GAPVD1: variants seen among roughly 807,000 people sequenced by gnomAD.
The protein encoded by GAPVD1 is GTPase-activating protein and VPS9 domain-containing protein 1.
Under a neutral mutation model 155.5 loss-of-function variants are expected in GAPVD1, and 35 were observed. That is an observed-to-expected ratio of 0.23 (90% CI 0.17 to 0.30). The LOEUF is 0.30. GAPVD1 is among the 10% of genes least tolerant of loss of function. GAPVD1 has a pLI of 1.00. For synonymous variants in GAPVD1, 636 were observed against 619.7 expected (o/e 1.03, Z -0.39); for missense variants, 1,429 against 1,775.7 (o/e 0.80, Z 3.51).
chr9:125,333,819 TG>T (rs1651158589), intron 15 of GAPVD1, among the ~76,000 whole-genome samples: 1 of 152,206 alleles, frequency 6.6e-6, no homozygotes, highest in African/African-American at 2.4e-5. Flanking sequence ...AATTTTTTTT[TG>T]TTCTAAACCA....
intron 27 of GAPVD1, among the ~76,000 whole-genome samples, chr9:125,361,011 G>A (rs758513129): frequency 1.3e-4 from 20 of 152,096 alleles, no homozygotes; most frequent in Non-Finnish European, 2.4e-4. Flanking sequence ...ACAGGCGTGC[G>A]TCACCATGCC....
chr9:125,347,080 A>C, intron 20 of GAPVD1, 139 bp downstream of exon 20: 1 of 776,312 alleles, frequency 1.3e-6, no homozygotes. Context: ...TGCCTAAACA[A>C]ATGTTTAAAT....
At chr9:125,310,151 G>A (rs561397324) in intron 8 of GAPVD1, 8 of 242,328 alleles carry the variant, frequency 3.3e-5, no homozygotes, top group African/African-American at 1.8e-4. Flanking sequence ...ATAAATTATA[G>A]TTACAGAGTT....
intron 2 of GAPVD1, among the ~76,000 whole-genome samples, chr9:125,283,869 A>T (rs2132240318): frequency 6.6e-6 from 1 of 151,422 alleles, no homozygotes; most frequent in South Asian, 2.1e-4. Context: ...ATTTTCCTTG[A>T]AACTTTTTTT....
intron 2 of GAPVD1, among the ~76,000 whole-genome samples, chr9:125,281,110 T>C (rs1836719782): frequency 6.6e-6 from 1 of 152,160 alleles, no homozygotes; most frequent in African/African-American, 2.4e-5. Flanking sequence ...ATAAACACCA[T>C]AATGTGTTAA....
chr9:125,263,530 T>C (rs888320778), intron 1 of GAPVD1: 1 of 790,254 alleles, frequency 1.3e-6, no homozygotes, highest in African/African-American at 1.7e-5. Context: ...GAACTGTTGT[T>C]TTTTTTTTTT....
intron 27 of GAPVD1, among the ~76,000 whole-genome samples, chr9:125,361,625 C>T (rs528093821): frequency 6.6e-6 from 1 of 152,178 alleles, no homozygotes; most frequent in South Asian, 2.1e-4. Flanking sequence ...CTTTTACCAT[C>T]TTCTTTAATA....
intron 19 of GAPVD1, among the ~76,000 whole-genome samples, chr9:125,342,846 C>T (rs1237081812): frequency 6.6e-6 from 1 of 152,116 alleles, no homozygotes; most frequent in Non-Finnish European, 1.5e-5. Context: ...GTTTTAAAAA[C>T]TTTACTAATT....
intron 9 of GAPVD1, among the ~76,000 whole-genome samples, chr9:125,318,965 C>T (rs1324768755): frequency 1.3e-5 from 2 of 151,946 alleles, no homozygotes; most frequent in Admixed American, 6.6e-5. Flanking sequence ...CACTTGAGGT[C>T]AGGAGTTTGA....
intron 1 of GAPVD1, among the ~76,000 whole-genome samples, chr9:125,265,566 G>A (rs3896096): frequency 0.41 from 60,556 of 147,344 alleles, 12,903 homozygotes; most frequent in Middle Eastern, 0.53. Flanking sequence ...CGGGTGCCAC[G>A]ATGGCTGGCT....
Position 125,337,008 on chromosome 9 carries a change from C to T in GAPVD1, c.2429-10C>T. On this transcript the variant is annotated splice_polypyrimidine_tract_variant and intron_variant, in intron 15 of 27. Transcript: ENST00000297933. ...CCTGGCTTGGTCTCACAGTTTCCCT[C>T]CTGTTTTAGGTGCCCACCAGCTGAC... 1 of 1,578,994 alleles carries T rather than the reference C, an allele frequency of 6.3e-7. No individual in the cohort carries two copies. Among genetic ancestry groups the T allele is most frequent in the Non-Finnish European group, 8.7e-7 (1 of 1,148,208 alleles).
intron 19 of GAPVD1, chr9:125,346,504 G>C (rs752436190): frequency 7.8e-6 from 3 of 386,452 alleles, no homozygotes; most frequent in Non-Finnish European, 1.5e-5. Flanking sequence ...AGCATGAATT[G>C]CTGATAACAG....
rs548423765 is a variant in GAPVD1, at chr9:125,338,858, T to C, written c.2877+1267T>C. On this transcript the variant is annotated intron_variant, in intron 17 of 27. Coordinates refer to ENST00000297933, the MANE Select transcript of GAPVD1 (RefSeq NM_001282680.3). ...ACTTTAAAAATATGTAACTATCTGT[T>C]CTCCATCAAATTTTTAACTTACCTA... Among the ~76,000 whole-genome samples, 6 of 152,264 alleles carry C rather than the reference T, an allele frequency of 3.9e-5. No individual in the cohort carries two copies. In the South Asian group the frequency reaches 1.0e-3, roughly 26 times the overall value.
intron 19 of GAPVD1, 53 bp from the exon 20 acceptor site, chr9:125,346,766 A>G (rs769305953): frequency 1.4e-6 from 2 of 1,386,440 alleles, no homozygotes; most frequent in South Asian, 2.3e-5. Flanking sequence ...TACTAACATC[A>G]GAGGTGGTAC....
intron 15 of GAPVD1, among the ~76,000 whole-genome samples, chr9:125,333,033 A>T (rs749136694): frequency 6.6e-6 from 1 of 152,336 alleles, no homozygotes; most frequent in South Asian, 2.1e-4. Flanking sequence ...AACATACTAC[A>T]TGGAATTTAT....
At chr9:125,325,537 A>AG (rs1845019582) in intron 11 of GAPVD1, among the ~76,000 whole-genome samples, 1 of 151,644 alleles carries the variant, frequency 6.6e-6, no homozygotes, top group Non-Finnish European at 1.5e-5. Flanking sequence ...AAAAAAAAAA[A>AG]AAGATGATGC....
intron 19 of GAPVD1, among the ~76,000 whole-genome samples, chr9:125,343,784 CATT>C (rs371373627): frequency 5.6e-4 from 85 of 152,358 alleles, no homozygotes; most frequent in African/African-American, 1.9e-3. Context: ...GCTGGAAAGA[CATT>C]GTCCTTTTGG....
At chr9:125,338,880 C>A (rs145546923) in intron 17 of GAPVD1, among the ~76,000 whole-genome samples, 111 of 151,410 alleles carry the variant, frequency 7.3e-4, no homozygotes, top group African/African-American at 2.7e-3. Flanking sequence ...TTTTAACTTA[C>A]CTACTTATTA....
rs755521597 is a variant in GAPVD1 at position 125,330,232 on chromosome 9, C to G, written c.2173+14C>G. 12 of 1,550,886 alleles carry G rather than the reference C, an allele frequency of 7.7e-6. No individual in the cohort carries two copies. The highest frequency in any genetic ancestry group is 1.4e-5 in the African/African-American group (1 of 72,258). The stretch of plus-strand genomic sequence containing the variant: ...CAAGTGACTCAGGTTAGTATGCTGT[C>G]ATTGTTTGCTTTTTCATTTATACAG... On this transcript the variant is annotated intron_variant, in intron 13 of 27. Transcript: ENST00000297933.
Sources: gnomAD v4.1 joint callset for allele counts (sites outside exome capture counted in the v4.1 genomes callset) on GRCh38, gnomAD v4.1.1 for gene constraint, MANE v1.5 for transcripts, NCBI Gene and HGNC (gene_info 2026-07-23, HGNC 2026-07-21) for gene names.